Variants in XRCC4 observed in about 807,000 individuals in gnomAD.
XRCC4 encodes the protein X-ray repair cross complementing 4.
In XRCC4, 28 loss-of-function variants were observed where a neutral mutation model predicts 39.1. The ratio of observed to expected loss-of-function variants is 0.72; its 90% CI spans 0.53 to 0.98. The LOEUF (loss-of-function observed/expected upper bound fraction) is 0.98. XRCC4 is among the 50% of genes least tolerant of loss of function. The pLI is 0.00. For missense variants in XRCC4, 350 were observed against 376.4 expected (o/e 0.93, Z 0.58); for synonymous variants, 123 against 126.4 (o/e 0.97, Z 0.18).
chr5:83,280,751 A>G (rs539221149), intron 7 of XRCC4: 218 of 176,606 alleles, frequency 1.2e-3, no homozygotes, highest in African/African-American at 4.9e-3. Context: ...ATATCACCTC[A>G]TTGGGGATTA....
At chr5:83,269,847 T>C (rs1435019328) in intron 7 of XRCC4, among the ~76,000 whole-genome samples, 1 of 152,080 alleles carries the variant, frequency 6.6e-6, no homozygotes, top group Non-Finnish European at 1.5e-5. Flanking sequence ...TGGAAGACAA[T>C]TTTTCCATGG....
At chr5:83,111,630 T>G (rs995150331) in intron 3 of XRCC4, among the ~76,000 whole-genome samples, 1 of 152,090 alleles carries the variant, frequency 6.6e-6, no homozygotes, top group Non-Finnish European at 1.5e-5. Context: ...CTAGAGTATA[T>G]TTGAAATTGA....
At chr5:83,297,645 G>T (rs1357035848) in intron 7 of XRCC4, among the ~76,000 whole-genome samples, 2 of 146,950 alleles carry the variant, frequency 1.4e-5, no homozygotes, top group Non-Finnish European at 2.9e-5. Context: ...CAATATTATA[G>T]AGTAAGATTA....
At chr5:83,185,671 T>C (rs1406619398) in intron 3 of XRCC4, among the ~76,000 whole-genome samples, 1 of 151,940 alleles carries the variant, frequency 6.6e-6, no homozygotes, top group Non-Finnish European at 1.5e-5. Flanking sequence ...AAACAGCATG[T>C]TATTGGTAAA....
chr5:83,142,404 G>C (rs913737495), intron 3 of XRCC4, among the ~76,000 whole-genome samples: 1 of 152,124 alleles, frequency 6.6e-6, no homozygotes, highest in African/African-American at 2.4e-5. Context: ...ATTGAACACA[G>C]GTGGTGTGGC....
chr5:83,083,959 C>T (rs1745072449), intron 1 of XRCC4, among the ~76,000 whole-genome samples: 1 of 152,086 alleles, frequency 6.6e-6, no homozygotes, highest in Non-Finnish European at 1.5e-5. Context: ...AGAGGAGCTC[C>T]CTTCCTACCT....
intron 3 of XRCC4, among the ~76,000 whole-genome samples, chr5:83,167,735 T>A (rs1749547547): frequency 6.6e-6 from 1 of 152,186 alleles, no homozygotes; most frequent in African/African-American, 2.4e-5. Flanking sequence ...TGACAACTCC[T>A]GATACTCTTG....
intron 3 of XRCC4, among the ~76,000 whole-genome samples, chr5:83,126,254 T>G (rs1170992663): frequency 6.6e-6 from 1 of 152,166 alleles, no homozygotes; most frequent in Non-Finnish European, 1.5e-5. Flanking sequence ...CCTAAGTATT[T>G]CAGTCTTTTT....
intron 3 of XRCC4, among the ~76,000 whole-genome samples, chr5:83,174,091 G>A (rs578168058): frequency 2.6e-5 from 4 of 152,256 alleles, no homozygotes; most frequent in Admixed American, 2.6e-4. Context: ...AAGGGGCTTT[G>A]ACTGTGACAG....
At chr5:83,365,958 G>A in the XRCC4 span, among the ~76,000 whole-genome samples, 1 of 152,302 alleles carries the variant, frequency 6.6e-6, no homozygotes, top group East Asian at 1.9e-4. Flanking sequence ...GACTGAAACT[G>A]TGCAAACCTG....
chr5:83,243,439 A>G (rs548485340), intron 6 of XRCC4, among the ~76,000 whole-genome samples: 45 of 152,254 alleles, frequency 3.0e-4, no homozygotes, highest in African/African-American at 1.1e-3. Context: ...CTGTACATAC[A>G]CTTCCCTGGT....
chr5:83,218,291 C>G (rs1751950239), intron 6 of XRCC4, among the ~76,000 whole-genome samples: 1 of 143,262 alleles, frequency 7.0e-6, no homozygotes, highest in Admixed American at 7.5e-5. Context: ...GGTACATACT[C>G]TGCAACATTT....
chr5:83,116,650 C>T (rs1746736398), intron 3 of XRCC4, among the ~76,000 whole-genome samples: 1 of 125,984 alleles, frequency 7.9e-6, no homozygotes, highest in Non-Finnish European at 1.6e-5. Flanking sequence ...GAGATGGAGC[C>T]TCACTCTGTC....
chr5:83,112,735 A>G (rs1561334219), intron 3 of XRCC4, among the ~76,000 whole-genome samples: 5 of 152,020 alleles, frequency 3.3e-5, no homozygotes, highest in Admixed American at 1.3e-4. Context: ...CAGGCAAAAG[A>G]ACATGTGCAG....
chr5:83,108,126 G>A (rs188920979), intron 2 of XRCC4, among the ~76,000 whole-genome samples: 2 of 151,976 alleles, frequency 1.3e-5, no homozygotes, highest in East Asian at 3.9e-4. Context: ...GGCTGCTCAT[G>A]TTTTATGCCT....
chr5:83,206,323 C>G (rs1042486882), intron 6 of XRCC4, among the ~76,000 whole-genome samples: 3 of 151,994 alleles, frequency 2.0e-5, no homozygotes, highest in African/African-American at 7.2e-5. Context: ...GAGCAAGGAG[C>G]AGATTCTAGG....
chr5:83,322,149 T>C (rs902890882), intron 7 of XRCC4, among the ~76,000 whole-genome samples: 19 of 151,908 alleles, frequency 1.3e-4, no homozygotes, highest in African/African-American at 4.6e-4. Flanking sequence ...TCTGAAGAAT[T>C]TTTTCCATAT....
At chr5:83,335,826 A>G (rs1353857607) in intron 7 of XRCC4, among the ~76,000 whole-genome samples, 2 of 152,052 alleles carry the variant, frequency 1.3e-5, no homozygotes, top group African/African-American at 4.8e-5. Flanking sequence ...TCTGTTATTT[A>G]TAACATTTCT....
At chr5:83,337,276 A>G (rs1355754837) in intron 7 of XRCC4, among the ~76,000 whole-genome samples, 2 of 152,192 alleles carry the variant, frequency 1.3e-5, no homozygotes, top group African/African-American at 4.8e-5. Flanking sequence ...GTTACTTACA[A>G]TATAAGTAAC....
Sources: allele counts gnomAD v4.1 joint callset (sites outside exome capture counted in the v4.1 genomes callset), GRCh38; gene constraint gnomAD v4.1.1; transcripts MANE v1.5; gene names NCBI Gene and HGNC (gene_info 2026-07-23, HGNC 2026-07-21).